CMSS1: variants seen among roughly 807,000 people sequenced by gnomAD.
CMSS1 encodes the protein protein CMSS1.
Under a neutral mutation model 43.5 loss-of-function variants are expected in CMSS1, and 33 were observed. That is an observed-to-expected ratio of 0.76 (90% CI 0.57 to 1.01). The LOEUF (loss-of-function observed/expected upper bound fraction) is 1.01. CMSS1 is among the 50% of genes least tolerant of loss of function. CMSS1 has a pLI of 0.00. For missense variants in CMSS1, 313 were observed against 326.4 expected, an observed-to-expected ratio of 0.96 and a Z score of 0.32; for synonymous variants, 115 against 117.2, an observed-to-expected ratio of 0.98 and a Z score of 0.12.
intron 1 of CMSS1, among the ~76,000 whole-genome samples, chr3:99,914,407 T>C (rs1706887032): frequency 6.6e-6 from 1 of 152,314 alleles, no homozygotes; most frequent in African/African-American, 2.4e-5. Flanking sequence ...AATGTTATAA[T>C]CTTTAAGTGT....
At position 100,044,361 on chromosome 3, in the gene CMSS1, A is replaced by AC. The variant is rs535662103; in HGVS notation, c.65-102612_65-102611insC. ...TAAGTATTTACATCATAGTATAAAG[A>AC]AGTAACACAGGGGTAATCTGTCAAG... On this transcript the variant is annotated intron_variant, in intron 1 of 9. Transcript: ENST00000421999. Among the ~76,000 whole-genome samples, 536 of 152,268 alleles carry AC rather than the reference A, an allele frequency of 3.5e-3. 5 individuals are homozygous for AC. The highest frequency in any genetic ancestry group is 0.012 in the African/African-American group (489 of 41,516).
chr3:99,914,089 G>C (rs181852999), intron 1 of CMSS1, among the ~76,000 whole-genome samples: 1 of 152,270 alleles, frequency 6.6e-6, no homozygotes, highest in East Asian at 1.9e-4. Flanking sequence ...TTGGCAAAGT[G>C]GGCCTTAGAT....
At chr3:99,894,213 T>C (rs1412224332) in intron 1 of CMSS1, among the ~76,000 whole-genome samples, 1 of 152,208 alleles carries the variant, frequency 6.6e-6, no homozygotes, top group Non-Finnish European at 1.5e-5. Context: ...ACTAAGTAGA[T>C]TGCATAAGAT....
chr3:99,997,261 G>A (rs1036375041), intron 1 of CMSS1, among the ~76,000 whole-genome samples: 1 of 152,100 alleles, frequency 6.6e-6, no homozygotes, highest in African/African-American at 2.4e-5. Flanking sequence ...AATCAGAAAT[G>A]ATAAAAGGAG....
intron 1 of CMSS1, among the ~76,000 whole-genome samples, chr3:99,853,932 G>C (rs2107535998): frequency 6.6e-6 from 1 of 152,316 alleles, no homozygotes; most frequent in African/African-American, 2.4e-5. Flanking sequence ...GAGAGCAGGA[G>C]GCCCTGATGG....
rs1347604003 is a variant in CMSS1 at position 99,989,455 on chromosome 3, A to T, written c.65-157518A>T. 7.2e-5 allele frequency among the ~76,000 whole-genome samples: 11 copies of T among 152,078 alleles called. No homozygotes were observed. The South Asian group carries it at 2.1e-3, about 29-fold the overall frequency. ...CCCCCACATTTTCTGGAGACCCAAA[A>T]CTACAGCACTCTGGATGTTTTCCTC... On this transcript the variant is annotated intron_variant, in intron 1 of 9. Coordinates refer to ENST00000421999, the MANE Select transcript of CMSS1 (RefSeq NM_032359.4).
intron 1 of CMSS1, among the ~76,000 whole-genome samples, chr3:100,123,558 G>A (rs1291228066): frequency 4.6e-5 from 7 of 152,144 alleles, no homozygotes; most frequent in African/African-American, 7.2e-5. Context: ...TGGAAGGGTC[G>A]AAGTGGTTGC....
chr3:99,850,148 T>G, intron 1 of CMSS1: 1 of 1,611,590 alleles, frequency 6.2e-7, no homozygotes, highest in Non-Finnish European at 8.5e-7. Flanking sequence ...TTCTTTAATT[T>G]TTCACTCATT....
chr3:100,039,086 A>AATTTT (rs2065158358), intron 1 of CMSS1, among the ~76,000 whole-genome samples: 1 of 152,232 alleles, frequency 6.6e-6, no homozygotes, highest in South Asian at 2.1e-4. Context: ...TGCTTATAAA[A>AATTTT]AGAATAGGAA....
chr3:99,867,414 TG>T (rs1944575217), intron 1 of CMSS1, among the ~76,000 whole-genome samples: 1 of 152,182 alleles, frequency 6.6e-6, no homozygotes. Context: ...TTTTAGTAGC[TG>T]AAAAAAAGGT....
At chr3:99,845,203 T>C (rs1576504676) in intron 1 of CMSS1, among the ~76,000 whole-genome samples, 1 of 152,196 alleles carries the variant, frequency 6.6e-6, no homozygotes, top group Non-Finnish European at 1.5e-5. Context: ...CTAGTAAGGA[T>C]GACAATTTTA....
intron 1 of CMSS1, among the ~76,000 whole-genome samples, chr3:99,910,512 G>A (rs1033868589): frequency 1.5e-5 from 2 of 136,606 alleles, no homozygotes; most frequent in African/African-American, 5.0e-5. Context: ...TAGGTGCTAG[G>A]TGAAGTGGCA....
At chr3:99,839,124 C>T (rs73136642) in intron 1 of CMSS1, among the ~76,000 whole-genome samples, 1 of 152,166 alleles carries the variant, frequency 6.6e-6, no homozygotes, top group Non-Finnish European at 1.5e-5. Context: ...TCCTGTATCC[C>T]CTGCTCAATT....
chr3:99,956,918 A>G (rs1037079446), intron 1 of CMSS1, among the ~76,000 whole-genome samples: 6 of 152,124 alleles, frequency 3.9e-5, no homozygotes, highest in East Asian at 1.9e-4. Flanking sequence ...GCCCTCACCA[A>G]TGGCTTCCTA....
intron 1 of CMSS1, among the ~76,000 whole-genome samples, chr3:99,860,333 AT>A (rs1257287976): frequency 6.6e-6 from 1 of 152,188 alleles, no homozygotes. Flanking sequence ...GAGAAGTGAA[AT>A]AAGATGGAAA....
rs2107536162 is a variant in CMSS1 at position 100,178,488 on chromosome 3, T to C, written c.*100T>C. On this transcript the variant is annotated 3_prime_UTR_variant, in exon 10 of 10. Coordinates refer to ENST00000421999, the MANE Select transcript of CMSS1 (RefSeq NM_032359.4). ...GCACTCAGTAAATATCAGCAAATAG[T>C]TTATGTTAATTGTGTCAACAGATGG... 1 of 686,656 alleles carries C rather than the reference T, an allele frequency of 1.5e-6. No individual in the cohort carries two copies. Among genetic ancestry groups the C allele is most frequent in the Non-Finnish European group, 2.5e-6 (1 of 393,024 alleles). 42.5% of individuals were successfully genotyped at this position (686,656 alleles called of 1,614,324 possible).
chr3:99,921,596 G>T (rs1030214037), intron 1 of CMSS1, among the ~76,000 whole-genome samples: 2 of 152,106 alleles, frequency 1.3e-5, no homozygotes, highest in Non-Finnish European at 2.9e-5. Context: ...AGAAATAGAT[G>T]AATATTCTCA....
At chr3:99,939,830 A>G (rs1274679741) in intron 1 of CMSS1, among the ~76,000 whole-genome samples, 10 of 152,224 alleles carry the variant, frequency 6.6e-5, no homozygotes, top group African/African-American at 9.6e-5. Flanking sequence ...GGAATCTTCA[A>G]TAATTTTAGT....
chr3:99,938,273 C>T (rs995213304), intron 1 of CMSS1, among the ~76,000 whole-genome samples: 1 of 152,220 alleles, frequency 6.6e-6, no homozygotes, highest in Non-Finnish European at 1.5e-5. Flanking sequence ...GTATGCACTA[C>T]ACTATTTTTT....
Sources: gnomAD v4.1 joint callset for allele counts (sites outside exome capture counted in the v4.1 genomes callset) on GRCh38, gnomAD v4.1.1 for gene constraint, MANE v1.5 for transcripts, NCBI Gene and HGNC (gene_info 2026-07-23, HGNC 2026-07-21) for gene names.